Variants in PRAMEF1 observed in about 807,000 individuals in gnomAD.
PRAMEF1 encodes PRAME family member 1.
In PRAMEF1, 21 loss-of-function variants were observed where a neutral mutation model predicts 38.2. The observed-to-expected ratio is 0.55, with a 90% CI of 0.39 to 0.79. The LOEUF is 0.79. Among genes scored for constraint, PRAMEF1 ranks in the 30% least tolerant of loss-of-function variants. The probability of loss-of-function intolerance (pLI) is 0.00; values close to 1 mark genes in which losing one functional copy is unlikely to be tolerated. For missense variants in PRAMEF1, 497 were observed against 565.8 expected, an observed-to-expected ratio of 0.88 and a Z score of 1.23; for synonymous variants, 200 against 229.0, an observed-to-expected ratio of 0.87 and a Z score of 1.14.
chr1:12,792,901 T>C (rs1255907287), intron 1 of PRAMEF1, among the ~76,000 whole-genome samples: 1 of 150,228 alleles, frequency 6.7e-6, no homozygotes, highest in African/African-American at 2.4e-5. Context: ...CCAGCATGTT[T>C]ATGGTGTAAA....
chr1:12,793,466 C>A lies in PRAMEF1; in HGVS notation c.239C>A (p.Ala80Glu). Residue 80 changes from alanine to glutamate, a missense_variant, in exon 2 of 4, where the codon GCA (alanine) becomes GAA (glutamate). By Grantham distance (107) the Ala-to-Glu change is moderately radical (BLOSUM62 -1). Coordinates refer to ENST00000332296, the MANE Select transcript of PRAMEF1 (RefSeq NM_023013.4). ...MKTLHLETLK[A>E]LLEGLHMLLT... ...ACGCTTCATTTGGAGACCTTAAAAG[C>A]ATTGCTGGAAGGGCTTCATATGCTG... 5 of 1,609,474 alleles carry A rather than the reference C, an allele frequency of 3.1e-6. No homozygotes were observed. The highest frequency in any genetic ancestry group is 4.2e-6 in the Non-Finnish European group (5 of 1,177,806).
chr1:12,794,814 T>C lies in PRAMEF1; in HGVS notation c.866+321T>C, dbSNP rs1225368011. On this transcript the variant is annotated intron_variant, in intron 3 of 3. Coordinates refer to ENST00000332296, the MANE Select transcript of PRAMEF1 (RefSeq NM_023013.4). The stretch of plus-strand genomic sequence containing the variant: ...CAAAGTGTGTTTCAAGTTGATATGA[T>C]GTCAAAGAGATAATAGAGGAGGGTA... 60 of 1,313,882 alleles carry C rather than the reference T, an allele frequency of 4.6e-5. 1 individual carries two copies. Among genetic ancestry groups the C allele is most frequent in the Non-Finnish European group, 5.9e-5 (59 of 994,958 alleles). The allele number at this position is 1,313,882 out of a possible 1,614,324, so 81.4% of individuals were successfully genotyped here.
rs1225360893 is a variant in PRAMEF1, at chr1:12,793,575, G to C, written c.287+61G>C. ...AGGTGTCCAGGGAAAGAACAGCAGG[G>C]TCAGGCAGAGAAGTAGCCCAAGTGT... On this transcript the variant is annotated intron_variant, in intron 2 of 3. Transcript: ENST00000332296. 6 of 1,538,720 alleles carry C rather than the reference G, an allele frequency of 3.9e-6. No individual in the cohort carries two copies. The African/African-American group carries it at 5.5e-5, about 14-fold the overall frequency.
intron 3 of PRAMEF1, 105 bp downstream of exon 3, chr1:12,794,598 C>T (rs1639359325): frequency 6.5e-7 from 1 of 1,536,438 alleles, no homozygotes; most frequent in Non-Finnish European, 8.9e-7. Flanking sequence ...GGCAACGTCA[C>T]AGTGAAGGGG....
intron 3 of PRAMEF1, 43 bp from the exon 4 acceptor site, chr1:12,795,395 T>C (rs748550887): frequency 6.2e-7 from 1 of 1,606,492 alleles, no homozygotes; most frequent in East Asian, 2.3e-5. Context: ...TACCTTCATC[T>C]AACTGGTATC....
chr1:12,794,416 C>A lies in PRAMEF1; in HGVS notation c.789C>A (p.Phe263Leu). The A allele has an allele frequency of 6.2e-7, 1 of 1,610,688 alleles. No individual in the cohort carries two copies. Among genetic ancestry groups the A allele is most frequent in the Non-Finnish European group, 8.5e-7 (1 of 1,178,026 alleles). Residue 263 changes from phenylalanine to leucine, a missense_variant, in exon 3 of 4, where the codon TTC becomes TTA. Physicochemically the swap from Phe to Leu is conservative, Grantham distance 22. Around this residue, in one of 2 missense-constraint regions of PRAMEF1, gnomAD observed 470 missense variants for 501.9 expected, o/e 0.94. Transcript: ENST00000332296. ...GRLVAKFSSV[F>L]LRLEHLQLLK... ...TAGTTGCCAAATTCAGCTCTGTGTT[C>A]CTCAGGCTGGAACACCTTCAGTTGC...
At chr1:12,794,517 T>C (rs1223841885) in intron 3 of PRAMEF1, 24 bp downstream of exon 3, 2 of 1,609,180 alleles carry the variant, frequency 1.2e-6, no homozygotes, top group East Asian at 2.3e-5. Context: ...ATGCACTTTG[T>C]ATGCAGACCA....
Position 12,794,513 on chromosome 1 carries a change from T to G in PRAMEF1, c.866+20T>G. On this transcript the variant is annotated intron_variant, in intron 3 of 3. Coordinates refer to ENST00000332296, the MANE Select transcript of PRAMEF1 (RefSeq NM_023013.4). ...GATCAGGTGAGAAAGGATCATGCAC[T>G]TTGTATGCAGACCACAGCATAGCCT... is the stretch of plus-strand genomic sequence containing the variant. The G allele has an allele frequency of 6.2e-7, 1 of 1,609,520 alleles. No individual in the cohort carries two copies. The highest frequency in any genetic ancestry group is 8.5e-7 in the Non-Finnish European group (1 of 1,177,488).
chr1:12,794,071 G>C lies in PRAMEF1; in HGVS notation c.444G>C (p.Lys148Asn). 6.2e-7 allele frequency: 1 copy of C among 1,609,340 alleles called. No homozygotes were observed. The highest frequency in any genetic ancestry group is 1.1e-5 in the South Asian group (1 of 90,604). The change falls in exon 3 of 4, where the codon AAG becomes AAC. Residue 148 changes from lysine (K) to asparagine (N), a missense_variant. Lys to Asn is a moderately conservative substitution (Grantham distance 94). Around this residue, in one of 2 missense-constraint regions of PRAMEF1, gnomAD observed 470 missense variants for 501.9 expected, o/e 0.94. Coordinates refer to ENST00000332296, the MANE Select transcript of PRAMEF1 (RefSeq NM_023013.4). ...CPRMGEHQPL[K>N]VFIDICLKEI... ...GGATGGGAGAGCACCAGCCCTTAAA[G>C]GTGTTCATAGACATCTGCCTCAAGG...
In PRAMEF1 at chr1:12,793,988, G is replaced by A; in HGVS notation, c.361G>A (p.Ala121Thr). ...CTGGGCCAGATGGCCTGGAGCCTGG[G>A]CCCTGTCCTGCTTCCCAGAGACCAC... ...NFWARWPGAW[A>T]LSCFPETTSK... Residue 121 changes from alanine to threonine, a missense_variant, in exon 3 of 4, where the codon GCC becomes ACC. This residue lies in a region of PRAMEF1 where 470 missense variants were observed against 501.9 expected (regional missense o/e 0.94). Coordinates refer to ENST00000332296, the MANE Select transcript of PRAMEF1 (RefSeq NM_023013.4). 6.2e-7 allele frequency: 1 copy of A among 1,608,336 alleles called. No homozygotes were observed. Among genetic ancestry groups the A allele is most frequent in the South Asian group, 1.1e-5 (1 of 90,470 alleles).
In PRAMEF1 at chr1:12,795,572, G is replaced by T. The variant is rs572373336; in HGVS notation, c.1001G>T (p.Arg334Leu). ...AATCTCAGCTACGTGCTGCTGTTCC[G>T]CATCAGTCTTGAACCCCTCGGAGCT... ...HLNLSYVLLFRISLEPLGALL... is the reference protein window; with the variant it reads ...HLNLSYVLLFLISLEPLGALL... The change falls in exon 4 of 4, where the codon CGC becomes CTC. Residue 334 changes from arginine (R) to leucine (L), a missense_variant. Arg to Leu is a moderately radical substitution (Grantham distance 102, BLOSUM62 -2). Coordinates refer to ENST00000332296, the MANE Select transcript of PRAMEF1 (RefSeq NM_023013.4). 4 of 1,612,118 alleles carry T rather than the reference G, an allele frequency of 2.5e-6. No individual in the cohort carries two copies. Among genetic ancestry groups the T allele is most frequent in the Non-Finnish European group, 3.4e-6 (4 of 1,179,770 alleles).
In PRAMEF1 at chr1:12,793,900, T is replaced by C. The variant is rs1186515529; in HGVS notation, c.288-15T>C. The C allele has an allele frequency of 6.2e-7, 1 of 1,608,078 alleles. No individual in the cohort carries two copies. The highest frequency in any genetic ancestry group is 8.5e-7 in the Non-Finnish European group (1 of 1,177,836). On this transcript the variant is annotated splice_polypyrimidine_tract_variant and intron_variant, in intron 2 of 3. Coordinates refer to ENST00000332296, the MANE Select transcript of PRAMEF1 (RefSeq NM_023013.4). Reference sequence around the variant, plus strand: ...TCCTTCTAAATTCTGAGTCTCTCCCTTACTTTACCCACAGGAGGTGGAAAC... The same window carrying C: ...TCCTTCTAAATTCTGAGTCTCTCCCCTACTTTACCCACAGGAGGTGGAAAC...
chr1:12,793,254 A>C lies in PRAMEF1; in HGVS notation c.27A>C (p.Leu9=), dbSNP rs1737157. 0.35 allele frequency: 547,413 copies of C among 1,549,876 alleles called. 116,778 individuals carry two copies. The highest frequency in any genetic ancestry group is 0.5 in the East Asian group (22,116 of 43,866). The change falls in exon 2 of 4, where the codon CTA becomes CTC. Residue 9 remains leucine, a synonymous_variant. Coordinates refer to ENST00000332296, the MANE Select transcript of PRAMEF1 (RefSeq NM_023013.4). ...TGAGCATCCAGGCCCCACCCAGACT[A>C]CTGGAGCTGGCAGGGCAGAGCCTGC... is the stretch of plus-strand genomic sequence containing the variant. MSIQAPPR[L]LELAGQSLLR... is the part of the protein sequence containing the mutation.
rs745714109 is a variant in PRAMEF1 at position 12,793,758 on chromosome 1, T to G, written c.288-157T>G. ...AGGTAAAGGGAATAGAAGTGGGGAA[T>G]CAAAAGTCAGAATCAAAAGGGAACA... On this transcript the variant is annotated intron_variant, in intron 2 of 3. Coordinates refer to ENST00000332296, the MANE Select transcript of PRAMEF1 (RefSeq NM_023013.4). Among the ~76,000 whole-genome samples the G allele has an allele frequency of 2.6e-5, 4 of 151,128 alleles. No individual in the cohort carries two copies. In the East Asian group the frequency reaches 7.8e-4, roughly 30 times the overall value.
chr1:12,793,823 A>T, intron 2 of PRAMEF1, 92 bp from the exon 3 acceptor site: 1 of 1,419,790 alleles, frequency 7.0e-7, no homozygotes, highest in Non-Finnish European at 9.7e-7. Flanking sequence ...AGCACTGAGG[A>T]CAGGAGCAGC....
At chr1:12,793,657 T>C in intron 2 of PRAMEF1, 143 bp downstream of exon 2, 1 of 1,536,714 alleles carries the variant, frequency 6.5e-7, no homozygotes. Flanking sequence ...TTGGCCATTT[T>C]CCAGATCCTC....
chr1:12,793,481 T>A lies in PRAMEF1; in HGVS notation c.254T>A (p.Leu85His), dbSNP rs1349909892. The change falls in exon 2 of 4, where the codon CTT (leucine) becomes CAT (histidine). Residue 85 changes from leucine to histidine, a missense_variant. Leu to His is a moderately conservative substitution (Grantham distance 99). Around this residue, in one of 2 missense-constraint regions of PRAMEF1, gnomAD observed 470 missense variants for 501.9 expected, o/e 0.94. Transcript: ENST00000332296. ...LETLKALLEG[L>H]HMLLTQKDRP... ...ACCTTAAAAGCATTGCTGGAAGGGC[T>A]TCATATGCTGCTTACACAGAAGGAT... The A allele has an allele frequency of 6.2e-7, 1 of 1,608,752 alleles. No homozygotes were observed. The highest frequency in any genetic ancestry group is 8.5e-7 in the Non-Finnish European group (1 of 1,177,742).
At chr1:12,794,694 G>C in intron 3 of PRAMEF1, 3 of 1,424,360 alleles carry the variant, frequency 2.1e-6, no homozygotes, top group Non-Finnish European at 2.8e-6. Context: ...GGGGAGAGGC[G>C]TCACCTGGGG....
chr1:12,794,850 G>T, intron 3 of PRAMEF1: 8 of 1,319,118 alleles, frequency 6.1e-6, no homozygotes, highest in Non-Finnish European at 8.0e-6. Context: ...TGAAAGGAGG[G>T]AAAGCGCATC....
Sources: gnomAD v4.1 joint callset for allele counts (sites outside exome capture counted in the v4.1 genomes callset) on GRCh38, gnomAD v4.1.1 for gene constraint, gnomAD v4.1.1 regional missense constraint, MANE v1.5 for transcripts, NCBI Gene and HGNC (gene_info 2026-07-23, HGNC 2026-07-21) for gene names.